Variants in PDE8B observed in about 807,000 individuals in gnomAD.
The protein encoded by PDE8B is phosphodiesterase 8B.
Under a neutral mutation model 101.3 loss-of-function variants are expected in PDE8B, and 26 were observed. The observed-to-expected ratio is 0.26, with a 90% CI of 0.19 to 0.36. The LOEUF is 0.36. PDE8B is among the 10% of genes least tolerant of loss of function. The pLI, the probability that PDE8B is intolerant of heterozygous loss-of-function variation, is 1.00. For missense variants in PDE8B, 810 were observed against 1,163.1 expected, an observed-to-expected ratio of 0.70 and a Z score of 4.42; for synonymous variants, 424 against 429.3, an observed-to-expected ratio of 0.99 and a Z score of 0.15.
chr5:77,369,996 A>T (rs1472272302), intron 10 of PDE8B, among the ~76,000 whole-genome samples: 4 of 152,224 alleles, frequency 2.6e-5, no homozygotes, highest in African/African-American at 9.6e-5. Flanking sequence ...TTCTACCGTT[A>T]ACATTTTACT....
chr5:77,094,429 C>A, the PDE8B span, among the ~76,000 whole-genome samples: 1 of 152,132 alleles, frequency 6.6e-6, no homozygotes, highest in Non-Finnish European at 1.5e-5. Context: ...CCCACTTCAG[C>A]CTCCCAAGTA....
intron 7 of PDE8B, among the ~76,000 whole-genome samples, chr5:77,348,146 C>G (rs1780480325): frequency 6.6e-6 from 1 of 152,164 alleles, no homozygotes; most frequent in African/African-American, 2.4e-5. Context: ...CCCCAAGTGT[C>G]CCTGTGCCAC....
the PDE8B span, chr5:77,148,279 C>G: frequency 6.6e-6 from 1 of 152,130 alleles, no homozygotes; most frequent in Non-Finnish European, 1.5e-5. Flanking sequence ...ATTCATTCAT[C>G]AGTTAATGGA....
chr5:77,392,918 TAATTTG>T (rs1343531390), intron 10 of PDE8B, among the ~76,000 whole-genome samples: 1 of 152,190 alleles, frequency 6.6e-6, no homozygotes, highest in African/African-American at 2.4e-5. Context: ...TTAACATTAA[TAATTTG>T]AATAGTAGAA....
chr5:77,354,647 A>AGAG, intron 10 of PDE8B, among the ~76,000 whole-genome samples: 1 of 152,296 alleles, frequency 6.6e-6, no homozygotes, highest in African/African-American at 2.4e-5. Context: ...GATCCACAGT[A>AGAG]GAGGACACAG....
intron 12 of PDE8B, among the ~76,000 whole-genome samples, 189 bp downstream of exon 12, chr5:77,404,986 G>C (rs73764861): frequency 1.4e-4 from 21 of 152,076 alleles, no homozygotes; most frequent in African/African-American, 5.1e-4. Flanking sequence ...TTATGCTGTA[G>C]TCTTTGTCGT....
intron 1 of PDE8B, among the ~76,000 whole-genome samples, chr5:77,247,506 C>T (rs907196226): frequency 3.3e-5 from 5 of 152,168 alleles, no homozygotes; most frequent in South Asian, 4.1e-4. Context: ...CCATGCCCTG[C>T]GGTGACCCTG....
chr5:77,326,301 C>T, intron 3 of PDE8B, among the ~76,000 whole-genome samples: 1 of 152,178 alleles, frequency 6.6e-6, no homozygotes, highest in South Asian at 2.1e-4. Context: ...AATAAATGCT[C>T]AGTCATAAGA....
intron 1 of PDE8B, among the ~76,000 whole-genome samples, chr5:77,236,687 G>T (rs1754759637): frequency 6.6e-6 from 1 of 152,166 alleles, no homozygotes; most frequent in Non-Finnish European, 1.5e-5. Context: ...GTGGTTCAAA[G>T]AGAGAATGGG....
chr5:77,253,349 T>C (rs2149637992), intron 1 of PDE8B, among the ~76,000 whole-genome samples: 1 of 152,330 alleles, frequency 6.6e-6, no homozygotes, highest in African/African-American at 2.4e-5. Flanking sequence ...GGAAAGACTA[T>C]GAGAGGTGCT....
the PDE8B span, among the ~76,000 whole-genome samples, chr5:77,096,523 G>A: frequency 6.6e-6 from 1 of 152,144 alleles, no homozygotes; most frequent in African/African-American, 2.4e-5. Context: ...TCATCACATG[G>A]CAGAAGGCAA....
In PDE8B at chr5:77,210,760, CGGCGGGG is replaced by C. The variant is rs1748083644; in HGVS notation, c.-162_-156del. On this transcript the variant is annotated 5_prime_UTR_variant, in exon 1 of 22. Transcript: ENST00000264917. The surrounding 1 kb of genome is among the most constrained non-coding windows in gnomAD (Gnocchi z 4.9). Reference sequence around the variant, plus strand: ...GTGACGCGCGCGGTCCCCGGAGGCTCGGCGGGGGGCACCGCGGCCAGCCCGACGGAGC... The same window carrying C: ...GTGACGCGCGCGGTCCCCGGAGGCTCGGCACCGCGGCCAGCCCGACGGAGC... 8 of 982,290 alleles carry C rather than the reference CGGCGGGG, an allele frequency of 8.1e-6. No homozygotes were observed. Among genetic ancestry groups the C allele is most frequent in the Non-Finnish European group, 8.4e-6 (7 of 829,236 alleles). The allele number at this position is 982,290 out of a possible 1,614,324, so 60.8% of individuals were successfully genotyped here.
At chr5:77,189,000 T>C in the PDE8B span, among the ~76,000 whole-genome samples, 1 of 152,116 alleles carries the variant, frequency 6.6e-6, no homozygotes, top group African/African-American at 2.4e-5. Context: ...CCAGGTGTAG[T>C]TGGTCTTCTC....
chr5:77,280,844 C>T (rs1486882887), intron 1 of PDE8B, among the ~76,000 whole-genome samples: 4 of 152,226 alleles, frequency 2.6e-5, no homozygotes, highest in Non-Finnish European at 2.9e-5. Context: ...TTGCAGTGAG[C>T]TAAGATCGCG....
In PDE8B at chr5:77,211,998, T is replaced by TC. The variant is rs1267407627; in HGVS notation, c.339+737dup. 6.6e-6 allele frequency among the ~76,000 whole-genome samples: 1 copy of TC among 152,186 alleles called. No individual in the cohort carries two copies. Among genetic ancestry groups the TC allele is most frequent in the Non-Finnish European group, 1.5e-5 (1 of 68,020 alleles). ...ATGATTCTGCACATACAACTGATCTTCCCAGAGAGTGGGATTTTGAGGAAG... is the reference window on the plus strand; with the variant it reads ...ATGATTCTGCACATACAACTGATCTTCCCCAGAGAGTGGGATTTTGAGGAAG... On this transcript the variant is annotated intron_variant, in intron 1 of 21. Transcript: ENST00000264917. This position sits in a 1 kb window ranked among gnomAD's most constrained non-coding sequence, Gnocchi z 4.1.
rs1794053391 is a variant in PDE8B at position 77,409,119 on chromosome 5, G to T, written c.1530+62G>T. On this transcript the variant is annotated intron_variant, in intron 14 of 21. Coordinates refer to ENST00000264917, the MANE Select transcript of PDE8B (RefSeq NM_003719.5). ...TATCCGGGGCCTCTAGAGTGCAGCT[G>T]ATGTGGAAACTGTTACCTGTGGTTG... is the stretch of plus-strand genomic sequence containing the variant. 14 of 1,426,692 alleles carry T rather than the reference G, an allele frequency of 9.8e-6. No individual in the cohort carries two copies. The East Asian group carries it at 3.0e-4, about 30-fold the overall frequency. 88.4% of individuals were successfully genotyped at this position (1,426,692 alleles called of 1,614,324 possible). A position where few individuals can be genotyped will look rare whatever the true frequency, so the allele number is the denominator to read the frequency against.
At chr5:77,360,893 G>A (rs1018424247) in intron 10 of PDE8B, among the ~76,000 whole-genome samples, 10 of 152,084 alleles carry the variant, frequency 6.6e-5, no homozygotes, top group African/African-American at 1.7e-4. Flanking sequence ...CACTCCCTCT[G>A]CCTCCTTGTA....
intron 10 of PDE8B, among the ~76,000 whole-genome samples, chr5:77,355,596 G>A (rs59056142): frequency 0.048 from 7,274 of 152,282 alleles, 244 homozygotes; most frequent in African/African-American, 0.096. Flanking sequence ...TCCTGTATGA[G>A]CCCTGTAGCT....
intron 1 of PDE8B, among the ~76,000 whole-genome samples, chr5:77,215,169 T>C (rs925661841): frequency 9.9e-5 from 15 of 152,180 alleles, no homozygotes; most frequent in African/African-American, 3.1e-4. Flanking sequence ...TTCTTGAGGT[T>C]AAGTTTTCCC....
Sources: allele counts gnomAD v4.1 joint callset (sites outside exome capture counted in the v4.1 genomes callset), GRCh38; gene constraint gnomAD v4.1.1; non-coding constraint Gnocchi (gnomAD v3.1); transcripts MANE v1.5; gene names NCBI Gene and HGNC (gene_info 2026-07-23, HGNC 2026-07-21).